The following ITSN2 variants were observed in gnomAD, a reference collection of about 807,000 sequenced individuals.
ITSN2 encodes intersectin 2, also known as intersectin-2.
Under a neutral mutation model 243.7 loss-of-function variants are expected in ITSN2, and 156 were observed. The ratio of observed to expected loss-of-function variants is 0.64; its 90% confidence interval spans 0.56 to 0.73. The LOEUF (loss-of-function observed/expected upper bound fraction) is 0.73. Among genes scored for constraint, ITSN2 ranks in the 30% least tolerant of loss-of-function variants. The probability of loss-of-function intolerance (pLI) is 0.00; values close to 1 mark genes in which losing one functional copy is unlikely to be tolerated. For synonymous variants in ITSN2, 703 were observed against 699.9 expected (o/e 1.00, Z -0.07); for missense variants, 1,801 against 1,996.1 (o/e 0.90, Z 1.86).
At chr2:24,240,709 CTT>C (rs1475564843) in intron 29 of ITSN2, 1 of 152,126 alleles carries the variant, frequency 6.6e-6, no homozygotes, top group Non-Finnish European at 1.5e-5. Context: ...TTGTAAATAA[CTT>C]TGTGAGGAAA....
chr2:24,337,495 C>T lies in ITSN2; in HGVS notation c.-33-9380G>A, dbSNP rs573197956. 2.8e-3 allele frequency among the ~76,000 whole-genome samples: 410 copies of T among 148,850 alleles called. 4 individuals are homozygous for T. The highest frequency in any genetic ancestry group is 9.7e-3 in the African/African-American group (393 of 40,570). ...CCTCCCAAGTAGCTGGGATTACAGG[C>T]GCGCACCACCATGCCCAGCTAATTT... On this transcript the variant is annotated intron_variant, in intron 1 of 39. Coordinates refer to ENST00000355123, the MANE Select transcript of ITSN2 (RefSeq NM_006277.3).
chr2:24,334,724 T>A, intron 1 of ITSN2: 1 of 1,586,336 alleles, frequency 6.3e-7, no homozygotes, highest in South Asian at 1.1e-5. Context: ...AAGGCTTGAG[T>A]GCGTTGAGCC....
intron 15 of ITSN2, among the ~76,000 whole-genome samples, chr2:24,290,508 T>C (rs1680104889): frequency 6.6e-6 from 1 of 152,252 alleles, no homozygotes; most frequent in South Asian, 2.1e-4. Flanking sequence ...AATCTGTAAG[T>C]ATTTTCTTCA....
intron 14 of ITSN2, among the ~76,000 whole-genome samples, chr2:24,294,263 G>A (rs545404647): frequency 2.0e-5 from 3 of 152,086 alleles, no homozygotes; most frequent in South Asian, 2.1e-4. Flanking sequence ...CCGTCTCCAC[G>A]AAAAACACAA....
intron 1 of ITSN2, among the ~76,000 whole-genome samples, chr2:24,359,495 A>T (rs1688753163): frequency 6.6e-6 from 1 of 152,226 alleles, no homozygotes; most frequent in Admixed American, 6.5e-5. Context: ...CAAATAAAGC[A>T]CACTTGCCAT....
intron 2 of ITSN2, among the ~76,000 whole-genome samples, chr2:24,317,641 T>C (rs1684086142): frequency 6.6e-6 from 1 of 152,206 alleles, no homozygotes; most frequent in Non-Finnish European, 1.5e-5. Flanking sequence ...AATTACAGAT[T>C]GACAGATTAA....
chr2:24,329,049 C>T (rs960935578), intron 1 of ITSN2, among the ~76,000 whole-genome samples: 14 of 152,142 alleles, frequency 9.2e-5, no homozygotes, highest in Non-Finnish European at 1.8e-4. Flanking sequence ...GATTACTCAT[C>T]TATAAAAAAT....
intron 1 of ITSN2, among the ~76,000 whole-genome samples, chr2:24,346,068 T>C (rs1027109492): frequency 6.6e-6 from 1 of 152,144 alleles, no homozygotes; most frequent in Non-Finnish European, 1.5e-5. Flanking sequence ...TGTCTAGCAG[T>C]GTCTACCCTT....
chr2:24,287,627 TAAC>T (rs1320335112), intron 15 of ITSN2, among the ~76,000 whole-genome samples: 1 of 152,078 alleles, frequency 6.6e-6, no homozygotes, highest in Non-Finnish European at 1.5e-5. Flanking sequence ...CTGTTTTCCT[TAAC>T]AACTATACCA....
chr2:24,308,632 T>C lies in ITSN2; in HGVS notation c.778A>G (p.Ser260Gly). ...TGCTGCTTACCTGAGAGATATCCAC[T>C]CATACTTTTGTCAAGAGTATTAAAT... ...QKFNTLDKSMSGYLSGFQARN... is the reference protein window; with the variant it reads ...QKFNTLDKSMGGYLSGFQARN... Residue 260 changes from serine to glycine, a missense_variant, in exon 8 of 40, where the codon AGT (serine) becomes GGT (glycine). Physicochemically the swap from Ser to Gly is moderately conservative, Grantham distance 56. Coordinates refer to ENST00000355123, the MANE Select transcript of ITSN2 (RefSeq NM_006277.3). 6.6e-7 allele frequency: 1 copy of C among 1,512,146 alleles called. No individual in the cohort carries two copies. Among genetic ancestry groups the C allele is most frequent in the Non-Finnish European group, 8.9e-7 (1 of 1,125,556 alleles). 93.7% of individuals were successfully genotyped at this position (1,512,146 alleles called of 1,614,324 possible). A position where few individuals can be genotyped will look rare whatever the true frequency, so the allele number is the denominator to read the frequency against.
rs778271349 is a variant in ITSN2 at position 24,301,968 on chromosome 2, A to T, written c.992T>A (p.Phe331Tyr). The T allele has an allele frequency of 3.1e-6, 5 of 1,608,608 alleles. No homozygotes were observed. The African/African-American group carries it at 5.4e-5, about 17-fold the overall frequency. Reference protein sequence around the residue: ...TLPPELVPPSFRGGKQIDSIN... With the variant: ...TLPPELVPPSYRGGKQIDSIN... ...CTCCACCTCCAGGCACACTCACCTGAAAGATGGAGGAACAAGCTCAGGAGG... is the reference window on the plus strand; with the variant it reads ...CTCCACCTCCAGGCACACTCACCTGTAAGATGGAGGAACAAGCTCAGGAGG... The change falls in exon 10 of 40, where the codon TTC becomes TAC. Residue 331 changes from phenylalanine to tyrosine, a missense_variant. Physicochemically the swap from Phe to Tyr is conservative, Grantham distance 22 (BLOSUM62 3). This residue lies in a region of ITSN2 where 787 missense variants were observed against 803.9 expected (regional missense o/e 0.98). Coordinates refer to ENST00000355123, the MANE Select transcript of ITSN2 (RefSeq NM_006277.3).
chr2:24,216,019 C>G (rs371287892), intron 32 of ITSN2, 30 bp downstream of exon 32: 2 of 1,528,908 alleles, frequency 1.3e-6, no homozygotes, highest in East Asian at 4.8e-5. Context: ...TCAGAAGGAG[C>G]CTGACCCGCA....
At position 24,208,328 on chromosome 2, in the gene ITSN2, G is replaced by C. The variant is rs771914336; in HGVS notation, c.4596-9C>G. On this transcript the variant is annotated splice_polypyrimidine_tract_variant and intron_variant, in intron 36 of 39. Transcript: ENST00000355123. ...TCTGCACCCAGGCGGTCCTACGGGA[G>C]AAGCAGGGGCAGCCGTTGGCCGCAT... The C allele has an allele frequency of 5.6e-6, 9 of 1,610,564 alleles. No individual in the cohort carries two copies. Among genetic ancestry groups the C allele is most frequent in the Non-Finnish European group, 6.8e-6 (8 of 1,178,888 alleles).
chr2:24,272,651 G>A (rs922517060), intron 18 of ITSN2, among the ~76,000 whole-genome samples: 3 of 152,050 alleles, frequency 2.0e-5, no homozygotes, highest in African/African-American at 7.3e-5. Context: ...GCCCAGTCTG[G>A]TCTGGAACTC....
At chr2:24,346,368 A>G (rs1375120220) in intron 1 of ITSN2, among the ~76,000 whole-genome samples, 2 of 152,196 alleles carry the variant, frequency 1.3e-5, no homozygotes, top group Non-Finnish European at 2.9e-5. Flanking sequence ...ATATACTTAC[A>G]ATATATTTAT....
chr2:24,343,961 A>T (rs1687292579), intron 1 of ITSN2, among the ~76,000 whole-genome samples: 1 of 152,168 alleles, frequency 6.6e-6, no homozygotes, highest in Non-Finnish European at 1.5e-5. Context: ...GAACCTGAAG[A>T]CCCAGTCCTG....
Position 24,203,575 on chromosome 2 carries a change from C to G in ITSN2, c.*51G>C. ...CCCCAAGAGAGCGCAGTCTCTCATTCTCCAGCCCCAGCCTTGTGGGCTGTC... is the reference window on the plus strand; with the variant it reads ...CCCCAAGAGAGCGCAGTCTCTCATTGTCCAGCCCCAGCCTTGTGGGCTGTC... On this transcript the variant is annotated 3_prime_UTR_variant, in exon 40 of 40. Transcript: ENST00000355123. 1.3e-6 allele frequency: 2 copies of G among 1,570,608 alleles called. No individual in the cohort carries two copies. The highest frequency in any genetic ancestry group is 2.3e-5 in the East Asian group (1 of 44,216).
At chr2:24,294,878 A>G (rs1680741159) in intron 14 of ITSN2, among the ~76,000 whole-genome samples, 1 of 152,166 alleles carries the variant, frequency 6.6e-6, no homozygotes. Context: ...CTGTCCTTAT[A>G]AAGGAAGTTG....
chr2:24,210,458 G>T, intron 34 of ITSN2: 1 of 287,402 alleles, frequency 3.5e-6, no homozygotes, highest in East Asian at 7.3e-5. Flanking sequence ...CTAAAAATAC[G>T]AAAATTAGCT....
Sources: gnomAD v4.1 joint callset for allele counts (sites outside exome capture counted in the v4.1 genomes callset) on GRCh38, gnomAD v4.1.1 for gene constraint, gnomAD v4.1.1 regional missense constraint, MANE v1.5 for transcripts, NCBI Gene and HGNC (gene_info 2026-07-23, HGNC 2026-07-21) for gene names.